The following TLL1 variants were observed in gnomAD, a reference collection of about 807,000 sequenced individuals.
TLL1 encodes tolloid-like protein 1.
Under a neutral mutation model 128.2 loss-of-function variants are expected in TLL1, and 49 were observed. The ratio of observed to expected loss-of-function variants is 0.38; its 90% CI spans 0.30 to 0.48. The LOEUF (loss-of-function observed/expected upper bound fraction) is 0.48, where lower values mean the gene tolerates loss of function less well. TLL1 is among the 20% of genes least tolerant of loss of function. The pLI is 0.96. For missense variants in TLL1, 1,123 were observed against 1,242.0 expected (o/e 0.90, Z 1.44); for synonymous variants, 454 against 418.8 (o/e 1.08, Z -1.03).
intron 9 of TLL1, among the ~76,000 whole-genome samples, chr4:166,036,574 G>A (rs1014709791): frequency 1.3e-5 from 2 of 152,100 alleles, no homozygotes; most frequent in African/African-American, 2.4e-5. Context: ...AATCCTGCTA[G>A]CAACCTTAGT....
intron 1 of TLL1, among the ~76,000 whole-genome samples, chr4:165,912,187 C>A (rs1052513776): frequency 6.6e-6 from 1 of 152,112 alleles, no homozygotes; most frequent in Non-Finnish European, 1.5e-5. Context: ...GAAAATAAGA[C>A]AATAGTCTTT....
At chr4:166,063,858 A>AG (rs1265427601) in intron 15 of TLL1, among the ~76,000 whole-genome samples, 3 of 151,830 alleles carry the variant, frequency 2.0e-5, no homozygotes, top group Non-Finnish European at 2.9e-5. Flanking sequence ...AGGTGGGGGG[A>AG]GGGGGAAGGG....
At chr4:165,929,523 G>C (rs1194092263) in intron 1 of TLL1, among the ~76,000 whole-genome samples, 1 of 143,222 alleles carries the variant, frequency 7.0e-6, no homozygotes, top group Non-Finnish European at 1.5e-5. Flanking sequence ...TGGTGACAAA[G>C]CAAGACTCCA....
intron 1 of TLL1, among the ~76,000 whole-genome samples, chr4:165,935,620 T>A (rs1284022478): frequency 6.6e-6 from 1 of 152,212 alleles, no homozygotes; most frequent in Non-Finnish European, 1.5e-5. Context: ...ATCACAGGCC[T>A]TTTCCATTCT....
intron 1 of TLL1, among the ~76,000 whole-genome samples, chr4:165,970,007 A>G (rs1735562846): frequency 6.6e-6 from 1 of 152,128 alleles, no homozygotes; most frequent in African/African-American, 2.4e-5. Flanking sequence ...AACTCTAAGG[A>G]AATTCATTAG....
chr4:166,033,554 A>T (rs961780727), intron 9 of TLL1, among the ~76,000 whole-genome samples: 1 of 152,228 alleles, frequency 6.6e-6, no homozygotes, highest in Admixed American at 6.5e-5. Context: ...TCTTTAAAAA[A>T]TACAGTCATT....
At chr4:165,968,365 A>G (rs956623968) in intron 1 of TLL1, among the ~76,000 whole-genome samples, 2 of 152,154 alleles carry the variant, frequency 1.3e-5, no homozygotes, top group Admixed American at 6.5e-5. Flanking sequence ...TTGTTGTCCA[A>G]AGGATTTCAG....
chr4:166,072,476 A>T (rs1382021177), intron 16 of TLL1, among the ~76,000 whole-genome samples: 1 of 150,964 alleles, frequency 6.6e-6, no homozygotes, highest in Admixed American at 6.6e-5. Flanking sequence ...TATTATTATT[A>T]TTTTTAGCAC....
At chr4:165,883,098 C>G (rs1731032157) in intron 1 of TLL1, among the ~76,000 whole-genome samples, 1 of 152,042 alleles carries the variant, frequency 6.6e-6, no homozygotes, top group Admixed American at 6.5e-5. Context: ...CTGGCATATA[C>G]AATGGAACTC....
intron 7 of TLL1, among the ~76,000 whole-genome samples, chr4:166,010,610 A>T (rs1737647054): frequency 6.6e-6 from 1 of 150,794 alleles, no homozygotes; most frequent in East Asian, 1.9e-4. Context: ...CTTTTCATTC[A>T]GTTGGCTGTG....
Position 165,903,972 on chromosome 4 carries a change from C to G in TLL1, c.169+29899C>G, listed in dbSNP as rs149571435. Among the ~76,000 whole-genome samples, 361 of 151,950 alleles carry G rather than the reference C, an allele frequency of 2.4e-3. 2 individuals carry two copies. In the East Asian group the frequency reaches 0.043, roughly 18 times the overall value. ...CCACCATTATATTTCAGGAAAAAAT[C>G]TCATTTAGTCTTTTTATATTATACG... On this transcript the variant is annotated intron_variant, in intron 1 of 20. Coordinates refer to ENST00000061240, the MANE Select transcript of TLL1 (RefSeq NM_012464.5).
chr4:165,907,626 G>A (rs1019142714), intron 1 of TLL1, among the ~76,000 whole-genome samples: 28 of 149,586 alleles, frequency 1.9e-4, no homozygotes, highest in Admixed American at 1.7e-3. Flanking sequence ...TTGGCTCACC[G>A]CAACCTCTGC....
Position 165,989,372 on chromosome 4 carries a change from T to C in TLL1, c.170-9T>C, listed in dbSNP as rs762789125. On this transcript the variant is annotated splice_polypyrimidine_tract_variant and intron_variant, in intron 1 of 20. Transcript: ENST00000061240. ...ATTTTACATTTTAATTCAACTTTTC[T>C]TTTTTTAGCTGTATTTTGGGGCGAT... 7.8e-5 allele frequency: 124 copies of C among 1,594,648 alleles called. No individual in the cohort carries two copies. Among genetic ancestry groups the C allele is most frequent in the Non-Finnish European group, 1.0e-4 (121 of 1,163,864 alleles).
intron 19 of TLL1, among the ~76,000 whole-genome samples, chr4:166,095,227 A>G (rs1741967362): frequency 6.6e-6 from 1 of 152,086 alleles, no homozygotes; most frequent in Non-Finnish European, 1.5e-5. Context: ...GAAATGTTGT[A>G]ATGTGTAATG....
At chr4:166,043,499 G>T (rs979574250) in intron 12 of TLL1, 80 bp downstream of exon 12, 2 of 1,588,400 alleles carry the variant, frequency 1.3e-6, no homozygotes, top group Non-Finnish European at 8.6e-7. Context: ...CATTAAATCA[G>T]CAAAGAAACA....
intron 19 of TLL1, among the ~76,000 whole-genome samples, chr4:166,096,726 A>G (rs1579739672): frequency 6.6e-6 from 1 of 152,156 alleles, no homozygotes; most frequent in Non-Finnish European, 1.5e-5. Context: ...AGCAAAATAT[A>G]TCAGTCAATT....
chr4:166,034,453 A>T (rs1193731839), intron 9 of TLL1, among the ~76,000 whole-genome samples: 2 of 151,196 alleles, frequency 1.3e-5, no homozygotes, highest in Non-Finnish European at 3.0e-5. Flanking sequence ...ATAATGAAAG[A>T]TGAGGCAGCA....
intron 1 of TLL1, 63 bp from the exon 2 acceptor site, chr4:165,989,318 A>T (rs1736527762): frequency 8.4e-7 from 1 of 1,195,742 alleles, no homozygotes. Context: ...TTTTCTAATT[A>T]GCTTTGTGTG....
At chr4:165,999,708 A>C (rs1270929750) in intron 5 of TLL1, among the ~76,000 whole-genome samples, 4 of 151,858 alleles carry the variant, frequency 2.6e-5, no homozygotes, top group African/African-American at 4.8e-5. Context: ...TCTTGGGCTC[A>C]AGTGATCCAC....
Sources: gnomAD v4.1 joint callset for allele counts (sites outside exome capture counted in the v4.1 genomes callset) on GRCh38, gnomAD v4.1.1 for gene constraint, MANE v1.5 for transcripts, NCBI Gene and HGNC (gene_info 2026-07-23, HGNC 2026-07-21) for gene names.